Variants in RBPMS observed in about 807,000 individuals in gnomAD.
RBPMS encodes RNA-binding protein with multiple splicing.
Under a neutral mutation model 26.8 loss-of-function variants are expected in RBPMS, and 7 were observed. The ratio of observed to expected loss-of-function variants is 0.26; its 90% CI spans 0.15 to 0.49. RBPMS has a LOEUF of 0.49. Among genes scored for constraint, RBPMS ranks in the 20% least tolerant of loss-of-function variants. The pLI is 0.98. For missense variants in RBPMS, 186 were observed against 250.0 expected, an observed-to-expected ratio of 0.74 and a Z score of 1.73; for synonymous variants, 96 against 93.3, an observed-to-expected ratio of 1.03 and a Z score of -0.17.
At chr8:30,471,072 AT>A (rs1347061690) in intron 1 of RBPMS, among the ~76,000 whole-genome samples, 1 of 152,212 alleles carries the variant, frequency 6.6e-6, no homozygotes, top group Non-Finnish European at 1.5e-5. Flanking sequence ...TTTAATGCAT[AT>A]TTATTTTAGA....
chr8:30,535,342 AAGG>A (rs758758919), intron 5 of RBPMS, among the ~76,000 whole-genome samples: 1 of 152,206 alleles, frequency 6.6e-6, no homozygotes, highest in Non-Finnish European at 1.5e-5. Flanking sequence ...CAGTTTTGTG[AAGG>A]ACATAGACAC....
At chr8:30,549,795 TCCC>T (rs376497422) in intron 6 of RBPMS, among the ~76,000 whole-genome samples, 107 of 100,630 alleles carry the variant, frequency 1.1e-3, no homozygotes, top group Middle Eastern at 0.012. Flanking sequence ...TCTCTCTCTC[TCCC>T]CTCTCTCCTC....
At chr8:30,558,618 A>G (rs1487742464) in intron 6 of RBPMS, 1 of 553,408 alleles carries the variant, frequency 1.8e-6, no homozygotes, top group Non-Finnish European at 3.3e-6. Context: ...AAGGAGGATG[A>G]GAGCAGAGGA....
At chr8:30,525,474 A>G (rs1450197906) in intron 5 of RBPMS, among the ~76,000 whole-genome samples, 2 of 152,230 alleles carry the variant, frequency 1.3e-5, no homozygotes, top group African/African-American at 4.8e-5. Context: ...GCTACCTGAT[A>G]TGGCAAACAC....
At chr8:30,563,609 G>C (rs892672893) in intron 7 of RBPMS, among the ~76,000 whole-genome samples, 1 of 152,206 alleles carries the variant, frequency 6.6e-6, no homozygotes, top group African/African-American at 2.4e-5. Flanking sequence ...CCAGATTGGA[G>C]AAGGAAATGC....
At chr8:30,551,260 A>G (rs1487529359) in intron 6 of RBPMS, among the ~76,000 whole-genome samples, 1 of 152,128 alleles carries the variant, frequency 6.6e-6, no homozygotes, top group Non-Finnish European at 1.5e-5. Flanking sequence ...TGTTAGGGAG[A>G]CGTGTTCTTT....
intron 2 of RBPMS, 136 bp from the exon 3 acceptor site, chr8:30,477,663 G>A (rs936613933): frequency 1.6e-6 from 1 of 620,850 alleles, no homozygotes; most frequent in Non-Finnish European, 2.9e-6. Context: ...ATGCATGTGT[G>A]TAATTTGCTT....
intron 5 of RBPMS, 130 bp downstream of exon 5, chr8:30,504,566 G>T: frequency 1.2e-6 from 1 of 857,006 alleles, no homozygotes; most frequent in Non-Finnish European, 1.7e-6. Context: ...AGGTTGCCTA[G>T]GCGTTCTTGG....
intron 1 of RBPMS, among the ~76,000 whole-genome samples, chr8:30,392,200 C>T (rs1807866410): frequency 6.6e-6 from 1 of 151,980 alleles, no homozygotes; most frequent in Non-Finnish European, 1.5e-5. Flanking sequence ...GGAGCTGTGT[C>T]ACAGAAAGCT....
intron 4 of RBPMS, among the ~76,000 whole-genome samples, chr8:30,503,431 T>G (rs75423975): frequency 6.6e-6 from 1 of 151,824 alleles, no homozygotes; most frequent in Non-Finnish European, 1.5e-5. Flanking sequence ...TTTTTTTTTT[T>G]GTATTTTAGT....
intron 4 of RBPMS, among the ~76,000 whole-genome samples, chr8:30,497,672 A>G (rs1394893845): frequency 1.3e-5 from 2 of 151,900 alleles, no homozygotes; most frequent in Non-Finnish European, 2.9e-5. Context: ...GCTGGAGTGC[A>G]GTGGCACCAT....
intron 5 of RBPMS, among the ~76,000 whole-genome samples, chr8:30,515,424 T>C (rs1448086599): frequency 1.3e-5 from 2 of 152,194 alleles, no homozygotes; most frequent in East Asian, 1.9e-4. Flanking sequence ...TATTGAAATA[T>C]TACTCCTTTG....
chr8:30,432,067 A>G (rs905731306), intron 1 of RBPMS, among the ~76,000 whole-genome samples: 9 of 152,136 alleles, frequency 5.9e-5, no homozygotes, highest in African/African-American at 2.2e-4. Context: ...TCAAGGCTGC[A>G]GTGAGCCATG....
chr8:30,441,173 A>G (rs1462116537), intron 1 of RBPMS, among the ~76,000 whole-genome samples: 2 of 152,146 alleles, frequency 1.3e-5, no homozygotes, highest in South Asian at 2.1e-4. Context: ...AACCGTAATG[A>G]TGAAATAACT....
Position 30,478,535 on chromosome 8 carries a change from A to G in RBPMS, c.183+698A>G, listed in dbSNP as rs1013230682. 1.1e-4 allele frequency among the ~76,000 whole-genome samples: 16 copies of G among 146,066 alleles called. No homozygotes were observed. In the East Asian group the frequency reaches 3.2e-3, roughly 30 times the overall value. On this transcript the variant is annotated intron_variant, in intron 3 of 8. Coordinates refer to ENST00000397323, the MANE Select transcript of RBPMS (RefSeq NM_001008710.3). ...TTTTTTTTTGAGACGGAGTCTCACT[A>G]TGTTGCCAGGCTGGAGTGCAGTGGC...
intron 7 of RBPMS, among the ~76,000 whole-genome samples, chr8:30,563,708 G>A (rs1417287815): frequency 6.6e-6 from 1 of 152,202 alleles, no homozygotes; most frequent in Non-Finnish European, 1.5e-5. Flanking sequence ...CTGTGAGCTT[G>A]AGTCATCCTC....
intron 6 of RBPMS, among the ~76,000 whole-genome samples, chr8:30,549,305 T>C (rs1415823112): frequency 1.3e-5 from 2 of 152,222 alleles, no homozygotes; most frequent in Non-Finnish European, 2.9e-5. Context: ...CAGACTGCCT[T>C]GTCCTTGAGG....
At chr8:30,480,859 G>A (rs762584308) in intron 4 of RBPMS, among the ~76,000 whole-genome samples, 5 of 152,218 alleles carry the variant, frequency 3.3e-5, no homozygotes, top group Non-Finnish European at 7.3e-5. Flanking sequence ...CCTTCTAAAT[G>A]CAGAAATATT....
chr8:30,518,687 C>CTTTTTTTTTTTTTTTTTT lies in RBPMS; in HGVS notation c.397+14262_397+14279dup, dbSNP rs58763494. 3.5e-3 allele frequency among the ~76,000 whole-genome samples: 64 copies of CTTTTTTTTTTTTTTTTTT among 18,244 alleles called. 24 individuals are homozygous for CTTTTTTTTTTTTTTTTTT. Among genetic ancestry groups the CTTTTTTTTTTTTTTTTTT allele is most frequent in the South Asian group, 0.011 (2 of 184 alleles). 12.0% of individuals were successfully genotyped at this position (18,244 alleles called of 152,430 possible). On this transcript the variant is annotated intron_variant, in intron 5 of 8. Coordinates refer to ENST00000397323, the MANE Select transcript of RBPMS (RefSeq NM_001008710.3). ...CAGTGATCCGCCCGGCCAAGCATGA[C>CTTTTTTTTTTTTTTTTTT]TTTTTTTTTTTTTTTTTTTTTTTTT...
Sources: allele counts gnomAD v4.1 joint callset (sites outside exome capture counted in the v4.1 genomes callset), GRCh38; gene constraint gnomAD v4.1.1; transcripts MANE v1.5; gene names NCBI Gene and HGNC (gene_info 2026-07-23, HGNC 2026-07-21).